FAT3: variants seen among roughly 807,000 people sequenced by gnomAD.
FAT3 encodes the protein protocadherin Fat 3.
Under a neutral mutation model 310.2 loss-of-function variants are expected in FAT3, and 95 were observed. That is an observed-to-expected ratio of 0.31 (90% confidence interval 0.26 to 0.36). The LOEUF (loss-of-function observed/expected upper bound fraction) is 0.36, where lower values mean the gene tolerates loss of function less well. Among genes scored for constraint, FAT3 ranks in the 10% least tolerant of loss-of-function variants. FAT3 has a pLI of 1.00. For synonymous variants in FAT3, 2,314 were observed against 2,192.9 expected, an observed-to-expected ratio of 1.06 and a Z score of -1.54; for missense variants, 5,408 against 5,715.6, an observed-to-expected ratio of 0.95 and a Z score of 1.74.
intron 3 of FAT3, among the ~76,000 whole-genome samples, chr11:92,545,416 T>C (rs1954584327): frequency 6.6e-6 from 1 of 152,200 alleles, no homozygotes; most frequent in Non-Finnish European, 1.5e-5. Context: ...TTGTTCACCA[T>C]TGGATATAGT....
At chr11:92,690,107 C>T (rs1488030672) in intron 3 of FAT3, among the ~76,000 whole-genome samples, 2 of 152,214 alleles carry the variant, frequency 1.3e-5, no homozygotes, top group Non-Finnish European at 2.9e-5. Context: ...GTAGCGGCTA[C>T]AGAATCCTGA....
chr11:92,648,664 T>C (rs979771171), intron 3 of FAT3, among the ~76,000 whole-genome samples: 8 of 152,196 alleles, frequency 5.3e-5, no homozygotes, highest in African/African-American at 1.9e-4. Context: ...CTGTTGACAC[T>C]TTAAGCTACA....
At position 92,800,286 on chromosome 11, in the gene FAT3, G is replaced by C. The variant is rs1382764645; in HGVS notation, c.7273G>C (p.Asp2425His). The C allele has an allele frequency of 4.3e-6, 7 of 1,613,798 alleles. No individual in the cohort carries two copies. Among genetic ancestry groups the C allele is most frequent in the South Asian group, 1.1e-5 (1 of 91,088 alleles). The change falls in exon 10 of 28, where the codon GAT becomes CAT. Residue 2425 changes from aspartate to histidine, a missense_variant. By Grantham distance (81) the Asp-to-His change is moderately conservative (BLOSUM62 -1). This residue lies in a region of FAT3 where 4,588 missense variants were observed against 4,809.8 expected (regional missense o/e 0.95). Transcript: ENST00000525166. The part of the protein sequence containing the change: ...CVQASDADSS[D>H]FDRLEYSILS... ...ACAAGCCTCTGATGCAGACAGCTCT[G>C]ATTTTGACCGGTTGGAATATAGCAT...
chr11:92,440,854 T>C (rs2135072688), intron 2 of FAT3, among the ~76,000 whole-genome samples: 1 of 152,302 alleles, frequency 6.6e-6, no homozygotes, highest in African/African-American at 2.4e-5. Flanking sequence ...AAGTTGGTTG[T>C]AGGGTCGTAG....
chr11:92,821,764 G>A (rs1021813389), intron 13 of FAT3, among the ~76,000 whole-genome samples: 2 of 152,124 alleles, frequency 1.3e-5, no homozygotes, highest in Non-Finnish European at 2.9e-5. Context: ...CCCTCCCAAG[G>A]CATCTGTTAA....
chr11:92,698,575 T>A (rs1944007930), intron 4 of FAT3, among the ~76,000 whole-genome samples: 1 of 152,152 alleles, frequency 6.6e-6, no homozygotes, highest in African/African-American at 2.4e-5. Flanking sequence ...TCTTAAAGCA[T>A]TGGATATAAT....
At chr11:92,730,612 T>C (rs1945145872) in intron 4 of FAT3, among the ~76,000 whole-genome samples, 1 of 152,190 alleles carries the variant, frequency 6.6e-6, no homozygotes, top group South Asian at 2.1e-4. Context: ...CCTTATAAAA[T>C]GTATGTTTGC....
intron 2 of FAT3, among the ~76,000 whole-genome samples, chr11:92,416,870 G>C (rs1950428330): frequency 6.6e-6 from 1 of 152,180 alleles, no homozygotes; most frequent in African/African-American, 2.4e-5. Context: ...TGCTGGGAAA[G>C]ATTGATGCAT....
intron 2 of FAT3, among the ~76,000 whole-genome samples, chr11:92,476,204 C>T (rs1952049164): frequency 1.3e-5 from 2 of 152,110 alleles, no homozygotes; most frequent in South Asian, 4.2e-4. Context: ...ATCAAGAAAG[C>T]ATCCTTTAAC....
chr11:92,836,262 C>T (rs956258742), intron 15 of FAT3, among the ~76,000 whole-genome samples: 3 of 152,168 alleles, frequency 2.0e-5, no homozygotes, highest in Non-Finnish European at 4.4e-5. Flanking sequence ...GCGTTCCTGT[C>T]CATTAGCTTT....
chr11:92,865,118 T>G (rs12280582), intron 21 of FAT3, among the ~76,000 whole-genome samples: 9,838 of 152,270 alleles, frequency 0.065, 1,072 homozygotes, highest in African/African-American at 0.22. Context: ...CACCTCTGTG[T>G]GCTTCTTAAA....
chr11:92,717,863 A>G (rs1254314801), intron 4 of FAT3, among the ~76,000 whole-genome samples: 1 of 152,170 alleles, frequency 6.6e-6, no homozygotes, highest in Non-Finnish European at 1.5e-5. Flanking sequence ...ATCACCAGCC[A>G]TGATCTTTAT....
At chr11:92,890,381 G>C in intron 27 of FAT3, 110 bp from the exon 28 acceptor site, 1 of 1,313,784 alleles carries the variant, frequency 7.6e-7, no homozygotes, top group Non-Finnish European at 1.0e-6. Flanking sequence ...AGCTTCTTAG[G>C]GTTTCTTGGA....
Position 92,878,011 on chromosome 11 carries a change from T to G in FAT3, c.12128-2720T>G, listed in dbSNP as rs1251995819. The stretch of plus-strand genomic sequence containing the variant: ...TTCATAAAGTCAAAAAATCATAAGT[T>G]GAACAATCATAAGGCAGAGACCATT... On this transcript the variant is annotated intron_variant, in intron 22 of 27. Coordinates refer to ENST00000525166, the MANE Select transcript of FAT3 (RefSeq NM_001367949.2). 2.6e-5 allele frequency among the ~76,000 whole-genome samples: 4 copies of G among 152,186 alleles called. No individual in the cohort carries two copies. The East Asian group carries it at 7.7e-4, about 29-fold the overall frequency.
intron 3 of FAT3, among the ~76,000 whole-genome samples, chr11:92,560,804 G>T (rs1438807187): frequency 3.9e-5 from 6 of 152,030 alleles, no homozygotes; most frequent in Non-Finnish European, 7.4e-5. Flanking sequence ...GTTATTCATT[G>T]GTCAGTTTAT....
intron 2 of FAT3, among the ~76,000 whole-genome samples, chr11:92,514,230 G>A (rs911403897): frequency 2.0e-5 from 3 of 152,092 alleles, no homozygotes; most frequent in East Asian, 1.9e-4. Context: ...TACTTTCTGT[G>A]TATCTACTTA....
At chr11:92,520,904 A>G (rs1457253805) in intron 2 of FAT3, among the ~76,000 whole-genome samples, 1 of 152,130 alleles carries the variant, frequency 6.6e-6, no homozygotes, top group Non-Finnish European at 1.5e-5. Context: ...AGAGAATTCT[A>G]ATTTTTAAGG....
At chr11:92,723,274 G>A (rs912068135) in intron 4 of FAT3, among the ~76,000 whole-genome samples, 3 of 152,070 alleles carry the variant, frequency 2.0e-5, no homozygotes, top group Non-Finnish European at 2.9e-5. Context: ...TATCTTTAGG[G>A]CAGGGGCAAA....
chr11:92,365,636 T>G (rs1266649273), intron 2 of FAT3, among the ~76,000 whole-genome samples: 1 of 152,190 alleles, frequency 6.6e-6, no homozygotes, highest in Non-Finnish European at 1.5e-5. Flanking sequence ...ACAGTTATGC[T>G]CAAATGAACA....
Sources: gnomAD v4.1 joint callset for allele counts (sites outside exome capture counted in the v4.1 genomes callset) on GRCh38, gnomAD v4.1.1 for gene constraint, gnomAD v4.1.1 regional missense constraint, MANE v1.5 for transcripts, NCBI Gene and HGNC (gene_info 2026-07-23, HGNC 2026-07-21) for gene names.